ERC1: variants seen among roughly 807,000 people sequenced by gnomAD.
ERC1 encodes the protein RAB6 interacting protein 2.
In ERC1, 56 loss-of-function variants were observed where a neutral mutation model predicts 132.0. That is an observed-to-expected ratio of 0.42 (90% CI 0.34 to 0.53). The LOEUF (loss-of-function observed/expected upper bound fraction) is 0.53. ERC1 is among the 20% of genes least tolerant of loss of function. The pLI, the probability that ERC1 is intolerant of heterozygous loss-of-function variation, is 0.03. For synonymous variants in ERC1, 478 were observed against 476.1 expected, an observed-to-expected ratio of 1.00 and a Z score of -0.05; for missense variants, 1,202 against 1,349.9, an observed-to-expected ratio of 0.89 and a Z score of 1.72.
chr12:1,483,797 C>T (rs1424235008), intron 18 of ERC1, among the ~76,000 whole-genome samples: 1 of 145,546 alleles, frequency 6.9e-6, no homozygotes, highest in South Asian at 2.2e-4. Flanking sequence ...TCAAGCTTTT[C>T]TTGTGCCTTA....
intron 2 of ERC1, among the ~76,000 whole-genome samples, chr12:1,079,811 T>G (rs1941919972): frequency 6.7e-6 from 1 of 148,378 alleles, no homozygotes; most frequent in South Asian, 2.2e-4. Context: ...AAAGTCGATA[T>G]ACAGAGATAC....
intron 14 of ERC1, among the ~76,000 whole-genome samples, chr12:1,273,710 T>C (rs926973478): frequency 6.6e-6 from 1 of 152,196 alleles, no homozygotes; most frequent in Admixed American, 6.5e-5. Flanking sequence ...AGTTCAACTC[T>C]ATAGTATGTT....
chr12:1,008,451 T>A (rs550363739), intron 1 of ERC1, among the ~76,000 whole-genome samples: 40 of 152,266 alleles, frequency 2.6e-4, no homozygotes, highest in African/African-American at 6.5e-4. Flanking sequence ...TAATTTTTTT[T>A]AATTTTTTTG....
At chr12:1,081,108 G>C (rs1942131344) in intron 2 of ERC1, among the ~76,000 whole-genome samples, 1 of 152,032 alleles carries the variant, frequency 6.6e-6, no homozygotes, top group Non-Finnish European at 1.5e-5. Context: ...TTCCCAGTAT[G>C]GTACACTGCT....
intron 15 of ERC1, among the ~76,000 whole-genome samples, chr12:1,323,074 A>G (rs1394471692): frequency 6.6e-6 from 1 of 152,144 alleles, no homozygotes; most frequent in Non-Finnish European, 1.5e-5. Context: ...TTGTAATCTT[A>G]TGTCTTATAA....
At chr12:1,205,049 A>C (rs1440013590) in intron 12 of ERC1, among the ~76,000 whole-genome samples, 2 of 152,196 alleles carry the variant, frequency 1.3e-5, no homozygotes, top group Non-Finnish European at 2.9e-5. Context: ...TGCTATTTAT[A>C]TGTGCCAGAG....
chr12:1,118,505 A>G (rs1946701610), intron 7 of ERC1, among the ~76,000 whole-genome samples: 1 of 152,188 alleles, frequency 6.6e-6, no homozygotes, highest in African/African-American at 2.4e-5. Flanking sequence ...AGTCTCAGTG[A>G]TTATTTCTGT....
chr12:1,150,652 CAAT>C (rs1452776162), intron 8 of ERC1, among the ~76,000 whole-genome samples: 1 of 152,060 alleles, frequency 6.6e-6, no homozygotes, highest in Non-Finnish European at 1.5e-5. Flanking sequence ...TTGATATGAT[CAAT>C]GATACTTCAG....
chr12:1,057,542 G>A (rs1395996632), intron 2 of ERC1, among the ~76,000 whole-genome samples: 2 of 148,136 alleles, frequency 1.4e-5, no homozygotes, highest in Non-Finnish European at 3.0e-5. Context: ...TTTTTAAAAA[G>A]GTGAATATCA....
intron 15 of ERC1, among the ~76,000 whole-genome samples, chr12:1,332,326 A>G (rs373684220): frequency 6.6e-6 from 1 of 152,196 alleles, no homozygotes; most frequent in African/African-American, 2.4e-5. Context: ...TAAGAAATTG[A>G]TTAGACCTTT....
At chr12:1,314,567 A>T (rs2081554192) in intron 15 of ERC1, among the ~76,000 whole-genome samples, 1 of 151,054 alleles carries the variant, frequency 6.6e-6, no homozygotes, top group African/African-American at 2.5e-5. Flanking sequence ...TTCCTACCTG[A>T]ATTTTTGACA....
At chr12:1,255,657 G>C (rs2076762720) in intron 13 of ERC1, among the ~76,000 whole-genome samples, 1 of 75,476 alleles carries the variant, frequency 1.3e-5, no homozygotes, top group Non-Finnish European at 3.1e-5. Context: ...TTTTGAGACG[G>C]AGTCTCATTC....
intron 18 of ERC1, among the ~76,000 whole-genome samples, chr12:1,455,743 A>G (rs2093519353): frequency 6.6e-6 from 1 of 152,228 alleles, no homozygotes; most frequent in South Asian, 2.1e-4. Context: ...TCCCTTGTAT[A>G]TAAATGCGAA....
At chr12:1,030,211 G>A (rs1967750916) in intron 2 of ERC1, among the ~76,000 whole-genome samples, 1 of 152,006 alleles carries the variant, frequency 6.6e-6, no homozygotes, top group Non-Finnish European at 1.5e-5. Context: ...TATGTAATTA[G>A]CTACCTCATT....
intron 15 of ERC1, among the ~76,000 whole-genome samples, chr12:1,290,593 A>G (rs1038715847): frequency 1.3e-5 from 2 of 152,192 alleles, no homozygotes; most frequent in Non-Finnish European, 2.9e-5. Context: ...ACATCTGCTA[A>G]TACATAGTAG....
intron 15 of ERC1, among the ~76,000 whole-genome samples, chr12:1,304,869 A>G (rs558559554): frequency 0.019 from 2,582 of 133,394 alleles, 33 homozygotes; most frequent in Non-Finnish European, 0.025. Flanking sequence ...GGCTCACTGC[A>G]AGCTCCGCCT....
chr12:1,454,081 C>T (rs1238016129), intron 18 of ERC1, among the ~76,000 whole-genome samples: 1 of 152,122 alleles, frequency 6.6e-6, no homozygotes, highest in African/African-American at 2.4e-5. Flanking sequence ...AGGGGAGCTG[C>T]AGGTTGAGTT....
At chr12:990,718 C>T (rs765026099), upstream of ERC1, 1 of 152,270 alleles carries the variant, frequency 6.6e-6, no homozygotes, top group Non-Finnish European at 1.5e-5. Context: ...CCCCCAGCAG[C>T]CAGGGTCGAT....
At chr12:1,182,180 CT>C in intron 10 of ERC1, 115 bp downstream of exon 10, 2 of 972,900 alleles carry the variant, frequency 2.1e-6, no homozygotes, top group Non-Finnish European at 1.5e-6. Context: ...TCTTAATATT[CT>C]TTTAGCAGGC....
Sources: gnomAD v4.1 joint callset for allele counts (sites outside exome capture counted in the v4.1 genomes callset) on GRCh38, gnomAD v4.1.1 for gene constraint, MANE v1.5 for transcripts, NCBI Gene and HGNC (gene_info 2026-07-23, HGNC 2026-07-21) for gene names.